CRHR1: variants seen among roughly 807,000 people sequenced by gnomAD.
CRHR1 encodes corticotropin-releasing hormone receptor 1.
A neutral mutation model predicts 56.0 loss-of-function variants in CRHR1; 28 were observed. That is an observed-to-expected ratio of 0.50 (90% CI 0.37 to 0.69). The LOEUF is 0.69. Among genes scored for constraint, CRHR1 ranks in the 30% least tolerant of loss-of-function variants. CRHR1 has a pLI of 0.00. For missense variants in CRHR1, 376 were observed against 548.0 expected (o/e 0.69, Z 3.13); for synonymous variants, 195 against 216.5 (o/e 0.90, Z 0.87).
chr17:45,821,399 C>G lies in CRHR1; in HGVS notation c.286C>G (p.Arg96Gly). 2 of 1,613,414 alleles carry G rather than the reference C, an allele frequency of 1.2e-6. No individual in the cohort carries two copies. The highest frequency in any genetic ancestry group is 1.7e-6 in the Non-Finnish European group (2 of 1,180,026). Residue 96 changes from arginine (R) to glycine (G), a missense_variant, in exon 4 of 13, where the codon CGC (arginine) becomes GGC (glycine). Arg to Gly is a moderately radical substitution (Grantham distance 125). Around this residue, in one of 2 missense-constraint regions of CRHR1, gnomAD observed 369 missense variants for 519.5 expected, o/e 0.71. Coordinates refer to ENST00000314537, the MANE Select transcript of CRHR1 (RefSeq NM_004382.5). ...CCTGGCCAATGGCAGCTGGGCCGCC[C>G]GCGTGAATTACTCCGAGTGCCAGGA... ...ECLANGSWAA[R>G]VNYSECQEIL...
At position 45,832,678 on chromosome 17, in the gene CRHR1, A is replaced by G. The variant is rs1056258457; in HGVS notation, c.771-460A>G. On this transcript the variant is annotated intron_variant, in intron 8 of 12. Coordinates refer to ENST00000314537, the MANE Select transcript of CRHR1 (RefSeq NM_004382.5). ...TAGAACCTGTGCAAGTATTCCTCTC[A>G]AGGTTGTTCAGGCTGTGACTGGACA... Among the ~76,000 whole-genome samples the G allele has an allele frequency of 3.3e-5, 5 of 152,296 alleles. No homozygotes were observed. In the East Asian group the frequency reaches 9.6e-4, roughly 29 times the overall value.
chr17:45,796,389 C>T (rs1020418735), intron 1 of CRHR1, among the ~76,000 whole-genome samples: 7 of 152,340 alleles, frequency 4.6e-5, no homozygotes, highest in South Asian at 2.1e-4. Flanking sequence ...TCCGCCCCCT[C>T]GTTCCCACTG....
chr17:45,818,971 A>T (rs2061983225), intron 3 of CRHR1, among the ~76,000 whole-genome samples: 2 of 151,992 alleles, frequency 1.3e-5, no homozygotes, highest in Admixed American at 6.6e-5. Context: ...TTTCTTTCGG[A>T]TCACCTCCTT....
intron 2 of CRHR1, among the ~76,000 whole-genome samples, chr17:45,810,432 G>A (rs938346025): frequency 6.6e-6 from 1 of 152,126 alleles, no homozygotes; most frequent in Non-Finnish European, 1.5e-5. Flanking sequence ...GGAACCTAAG[G>A]CTCAGAGAAG....
chr17:45,822,615 C>T (rs1020105914), intron 4 of CRHR1, among the ~76,000 whole-genome samples: 1 of 152,202 alleles, frequency 6.6e-6, no homozygotes, highest in African/African-American at 2.4e-5. Flanking sequence ...TTATAAGAAT[C>T]GTCCAGAGGC....
intron 1 of CRHR1, among the ~76,000 whole-genome samples, chr17:45,804,233 C>T (rs77784124): frequency 2.0e-5 from 3 of 152,276 alleles, no homozygotes; most frequent in South Asian, 2.1e-4. Context: ...CTGAGTGTCC[C>T]GTGTGCAGAG....
At chr17:45,803,405 G>A in intron 1 of CRHR1, among the ~76,000 whole-genome samples, 1 of 151,886 alleles carries the variant, frequency 6.6e-6, no homozygotes, top group Non-Finnish European at 1.5e-5. Context: ...TATTTATTTT[G>A]AGATGGAATC....
chr17:45,785,020 CT>C (rs2061307862), intron 1 of CRHR1, among the ~76,000 whole-genome samples: 2 of 152,336 alleles, frequency 1.3e-5, no homozygotes, highest in South Asian at 4.1e-4. Flanking sequence ...CCGCCCTAGT[CT>C]TGGGAGCGCG....
chr17:45,812,401 T>G (rs540943730), intron 2 of CRHR1, among the ~76,000 whole-genome samples: 19 of 152,352 alleles, frequency 1.2e-4, no homozygotes, highest in Non-Finnish European at 2.6e-4. Flanking sequence ...GGTTGGTAAA[T>G]TGGCTTGGCT....
intron 1 of CRHR1, among the ~76,000 whole-genome samples, chr17:45,803,965 CT>C (rs1177830351): frequency 6.6e-6 from 1 of 152,202 alleles, no homozygotes; most frequent in Non-Finnish European, 1.5e-5. Context: ...GGCAGTGCAG[CT>C]TTGTCATGAG....
At chr17:45,789,265 T>C (rs1434895658) in intron 1 of CRHR1, among the ~76,000 whole-genome samples, 1 of 152,224 alleles carries the variant, frequency 6.6e-6, no homozygotes, top group East Asian at 1.9e-4. Context: ...TAAGGCCAGG[T>C]CGAGATTTCA....
At chr17:45,824,925 C>G (rs746288185) in intron 4 of CRHR1, among the ~76,000 whole-genome samples, 22 of 152,124 alleles carry the variant, frequency 1.4e-4, no homozygotes, top group Non-Finnish European at 2.9e-4. Flanking sequence ...CCCGCCCCAC[C>G]CCCCAGCCCA....
At chr17:45,827,978 T>C (rs941921930) in intron 4 of CRHR1, 4 of 152,226 alleles carry the variant, frequency 2.6e-5, no homozygotes, top group Admixed American at 2.6e-4. Flanking sequence ...TCACCCACCT[T>C]TGTGCCTCAT....
Position 45,792,379 on chromosome 17 carries a change from G to A in CRHR1, c.33+7802G>A, listed in dbSNP as rs370146417. 1.2e-4 allele frequency among the ~76,000 whole-genome samples: 18 copies of A among 152,146 alleles called. No individual in the cohort carries two copies. In the East Asian group the frequency reaches 3.5e-3, roughly 29 times the overall value. On this transcript the variant is annotated intron_variant, in intron 1 of 12. Transcript: ENST00000314537. ...GTGCGCCATTTACTGAGCTGCTGTT[G>A]CACTAAGGCCCACACAAGTGACCCC... is the stretch of plus-strand genomic sequence containing the variant.
intron 2 of CRHR1, 145 bp downstream of exon 2, chr17:45,807,242 A>C: frequency 1.4e-6 from 1 of 727,528 alleles, no homozygotes; most frequent in African/African-American, 1.8e-5. Context: ...GCAATTCTTC[A>C]CATCTCCACC....
At chr17:45,801,357 A>T (rs1057497306) in intron 1 of CRHR1, among the ~76,000 whole-genome samples, 3 of 152,348 alleles carry the variant, frequency 2.0e-5, no homozygotes, top group Middle Eastern at 3.4e-3. Flanking sequence ...GTTATGTGAC[A>T]TTGGGTACAT....
intron 1 of CRHR1, among the ~76,000 whole-genome samples, chr17:45,792,961 C>T (rs1281923287): frequency 6.6e-6 from 1 of 152,200 alleles, no homozygotes; most frequent in East Asian, 1.9e-4. Context: ...TCTGTGTGCC[C>T]AGAACTTAGT....
Position 45,784,345 on chromosome 17 carries a change from G to T in CRHR1, c.-200G>T. On this transcript the variant is annotated 5_prime_UTR_variant, in exon 1 of 13. Coordinates refer to ENST00000314537, the MANE Select transcript of CRHR1 (RefSeq NM_004382.5). This position sits in a 1 kb window ranked among gnomAD's most constrained non-coding sequence, Gnocchi z 4.2. Reference sequence around the variant, plus strand: ...GGGAAACGGCGGCCAGACTTCCCCGGGAAGGGGCGAGCGAGAGCCGGGCCG... The same window carrying T: ...GGGAAACGGCGGCCAGACTTCCCCGTGAAGGGGCGAGCGAGAGCCGGGCCG... The T allele has an allele frequency of 3.1e-6, 1 of 318,766 alleles. No individual in the cohort carries two copies. Among genetic ancestry groups the T allele is most frequent in the Non-Finnish European group, 5.6e-6 (1 of 180,040 alleles). The allele number at this position is 318,766 out of a possible 1,614,324, so 19.7% of individuals were successfully genotyped here.
At chr17:45,810,308 G>A (rs1323571394) in intron 2 of CRHR1, among the ~76,000 whole-genome samples, 1 of 151,866 alleles carries the variant, frequency 6.6e-6, no homozygotes, top group East Asian at 1.9e-4. Flanking sequence ...AATAATAATA[G>A]CTAATGTTTA....
Sources: gnomAD v4.1 joint callset for allele counts (sites outside exome capture counted in the v4.1 genomes callset) on GRCh38, gnomAD v4.1.1 for gene constraint, gnomAD v4.1.1 regional missense constraint, Gnocchi (gnomAD v3.1) non-coding constraint, MANE v1.5 for transcripts, NCBI Gene and HGNC (gene_info 2026-07-23, HGNC 2026-07-21) for gene names.